Variants in RAB35 observed in about 807,000 individuals in gnomAD.
RAB35 encodes RAB35, member RAS oncogene family.
In RAB35, 4 loss-of-function variants were observed where a neutral mutation model predicts 28.9. The observed-to-expected ratio is 0.14, with a 90% CI of 0.07 to 0.32. The LOEUF (loss-of-function observed/expected upper bound fraction) is 0.32. RAB35 is among the 10% of genes least tolerant of loss of function. RAB35 has a pLI of 1.00. For synonymous variants in RAB35, 99 were observed against 105.1 expected (o/e 0.94, Z 0.35); for missense variants, 128 against 274.0 (o/e 0.47, Z 3.76).
chr12:120,098,211 G>C (rs1875512707), intron 5 of RAB35, among the ~76,000 whole-genome samples: 1 of 152,230 alleles, frequency 6.6e-6, no homozygotes, highest in African/African-American at 2.4e-5. Context: ...CATGACAGAT[G>C]AAAGTGCCCC....
rs1875450443 is a variant in RAB35 at position 120,097,162 on chromosome 12, T to G, written c.*83A>C. The G allele has an allele frequency of 1.9e-6, 3 of 1,612,588 alleles. No homozygotes were observed. The highest frequency in any genetic ancestry group is 2.5e-6 in the Non-Finnish European group (3 of 1,179,496). ...AATTCTTTAAATAACGGCACGAAACTGAGACTGTCCCCCGAGGAACCTCCG... is the reference window on the plus strand; with the variant it reads ...AATTCTTTAAATAACGGCACGAAACGGAGACTGTCCCCCGAGGAACCTCCG... On this transcript the variant is annotated 3_prime_UTR_variant, in exon 6 of 6. Coordinates refer to ENST00000229340, the MANE Select transcript of RAB35 (RefSeq NM_006861.7).
intron 5 of RAB35, among the ~76,000 whole-genome samples, chr12:120,098,106 G>T (rs1439593228): frequency 6.6e-6 from 1 of 152,066 alleles, no homozygotes; most frequent in Non-Finnish European, 1.5e-5. Flanking sequence ...GGATGGTCTC[G>T]ATCTCCTGAC....
chr12:120,115,761 A>G (rs1183399987), intron 1 of RAB35, among the ~76,000 whole-genome samples: 1 of 152,150 alleles, frequency 6.6e-6, no homozygotes, highest in African/African-American at 2.4e-5. Context: ...TGTGTGGCCA[A>G]AGCACTTTTA....
chr12:120,104,783 G>A (rs1485385507), intron 2 of RAB35, among the ~76,000 whole-genome samples: 1 of 152,064 alleles, frequency 6.6e-6, no homozygotes, highest in Non-Finnish European at 1.5e-5. Context: ...ACAGGCATGC[G>A]CCACCACGCC....
At chr12:120,106,430 G>A (rs540910206) in intron 2 of RAB35, among the ~76,000 whole-genome samples, 1 of 152,170 alleles carries the variant, frequency 6.6e-6, no homozygotes, top group South Asian at 2.1e-4. Context: ...CATGAACTGA[G>A]GCTTCTATTT....
chr12:120,098,334 G>T (rs555095402), intron 5 of RAB35, among the ~76,000 whole-genome samples: 1 of 152,378 alleles, frequency 6.6e-6, no homozygotes, highest in East Asian at 1.9e-4. Flanking sequence ...CTTGCCCACA[G>T]GCCCAGGTGG....
At chr12:120,112,192 G>C (rs1876146521) in intron 1 of RAB35, among the ~76,000 whole-genome samples, 1 of 152,116 alleles carries the variant, frequency 6.6e-6, no homozygotes, top group South Asian at 2.1e-4. Flanking sequence ...TGGCCAAGCT[G>C]GTCTCGAGCT....
rs7954624 is a variant in RAB35 at position 120,109,882 on chromosome 12, T to A, written c.53-1415A>T. ...CCATGTCCTCCTATCCTGTCCCCAA[T>A]CTCCAACACCCCTGAGGCCAGCCAA... On this transcript the variant is annotated intron_variant, in intron 1 of 5. Transcript: ENST00000229340. 4.1e-3 allele frequency among the ~76,000 whole-genome samples: 626 copies of A among 152,150 alleles called. 3 individuals carry two copies. Among genetic ancestry groups the A allele is most frequent in the African/African-American group, 0.013 (538 of 41,494 alleles).
rs1353145784 is a variant in RAB35 at position 120,096,876 on chromosome 12, G to A, written c.*369C>T. The A allele has an allele frequency of 1.5e-6, 2 of 1,308,934 alleles. No individual in the cohort carries two copies. The highest frequency in any genetic ancestry group is 4.5e-5 in the Admixed American group (2 of 44,068). The allele number at this position is 1,308,934 out of a possible 1,614,324, so 81.1% of individuals were successfully genotyped here. A position where few individuals can be genotyped will look rare whatever the true frequency, so the allele number is the denominator to read the frequency against. Reference sequence around the variant, plus strand: ...TGGGCTGGGGAGGGGCGCGGGGAGGGTCTGTTGCAGCAGGCTGGCATCAAG... The same window carrying A: ...TGGGCTGGGGAGGGGCGCGGGGAGGATCTGTTGCAGCAGGCTGGCATCAAG... On this transcript the variant is annotated 3_prime_UTR_variant, in exon 6 of 6. Coordinates refer to ENST00000229340, the MANE Select transcript of RAB35 (RefSeq NM_006861.7).
In RAB35 at chr12:120,108,407, G is replaced by C; in HGVS notation, c.103+10C>G. The stretch of plus-strand genomic sequence containing the variant: ...ACGACACCCCAGCAGCACTGCAGGG[G>C]AGGACTCACCTGAGAAAGTGTTGTC... On this transcript the variant is annotated intron_variant, in intron 2 of 5. Transcript: ENST00000229340. 6.2e-7 allele frequency: 1 copy of C among 1,611,404 alleles called. No individual in the cohort carries two copies. The highest frequency in any genetic ancestry group is 8.5e-7 in the Non-Finnish European group (1 of 1,177,532).
chr12:120,103,679 G>A lies in RAB35; in HGVS notation c.227+147C>T, dbSNP rs374510618. Reference sequence around the variant, plus strand: ...AGGACCAGGAAGGGTGCAGCCAAACGCCACCTACTACAGCCAACAACAGGC... The same window carrying A: ...AGGACCAGGAAGGGTGCAGCCAAACACCACCTACTACAGCCAACAACAGGC... On this transcript the variant is annotated intron_variant, in intron 3 of 5. Transcript: ENST00000229340. This position sits in a 1 kb window ranked among gnomAD's most constrained non-coding sequence, Gnocchi z 6.1. 333 of 1,203,606 alleles carry A rather than the reference G, an allele frequency of 2.8e-4. No homozygotes were observed. In the African/African-American group the frequency reaches 4.3e-3, roughly 15 times the overall value. The allele number at this position is 1,203,606 out of a possible 1,614,324, so 74.6% of individuals were successfully genotyped here. A position where few individuals can be genotyped will look rare whatever the true frequency, so the allele number is the denominator to read the frequency against.
chr12:120,115,180 A>T (rs1876280364), intron 1 of RAB35, among the ~76,000 whole-genome samples: 1 of 151,228 alleles, frequency 6.6e-6, no homozygotes. Context: ...CTCCTCCAGC[A>T]ACCACGGAAA....
rs543003528 is a variant in RAB35, at chr12:120,109,657, C to CTT, written c.53-1192_53-1191dup. Among the ~76,000 whole-genome samples, 356 of 119,986 alleles carry CTT rather than the reference C, an allele frequency of 3.0e-3. 1 individual carries two copies. The highest frequency in any genetic ancestry group is 9.1e-3 in the African/African-American group (291 of 31,894). 78.7% of individuals were successfully genotyped at this position (119,986 alleles called of 152,430 possible). ...ACAGAGTCTGGCTACGTTGCCCAGG[C>CTT]TTTTTTTTTTTTTTTTTTTAATCTT... On this transcript the variant is annotated intron_variant, in intron 1 of 5. Transcript: ENST00000229340.
intron 1 of RAB35, among the ~76,000 whole-genome samples, chr12:120,110,834 G>C (rs1214475902): frequency 6.6e-6 from 1 of 152,200 alleles, no homozygotes; most frequent in African/African-American, 2.4e-5. Flanking sequence ...GCTCAGCCTG[G>C]GCCTGCAGGG....
chr12:120,101,442 G>A (rs1183435682), intron 3 of RAB35, among the ~76,000 whole-genome samples: 1 of 152,200 alleles, frequency 6.6e-6, no homozygotes, highest in African/African-American at 2.4e-5. Context: ...CTCAGCTTCT[G>A]AGAGCAAGAA....
chr12:120,115,401 G>GA lies in RAB35; in HGVS notation c.52+1197dup, dbSNP rs544348668. 1.2e-4 allele frequency among the ~76,000 whole-genome samples: 19 copies of GA among 152,196 alleles called. No homozygotes were observed. The South Asian group carries it at 3.7e-3, about 30-fold the overall frequency. On this transcript the variant is annotated intron_variant, in intron 1 of 5. Coordinates refer to ENST00000229340, the MANE Select transcript of RAB35 (RefSeq NM_006861.7). ...GCCTGGCCTCTGCCTCCAATCATAA[G>GA]ACATCCCTCCCCACACTCAGCTCAG...
chr12:120,097,010 A>G lies in RAB35; in HGVS notation c.*235T>C. 1 of 1,506,240 alleles carries G rather than the reference A, an allele frequency of 6.6e-7. No individual in the cohort carries two copies. The highest frequency in any genetic ancestry group is 8.9e-7 in the Non-Finnish European group (1 of 1,128,324). 93.3% of individuals were successfully genotyped at this position (1,506,240 alleles called of 1,614,324 possible). A position where few individuals can be genotyped will look rare whatever the true frequency, so the allele number is the denominator to read the frequency against. On this transcript the variant is annotated 3_prime_UTR_variant, in exon 6 of 6. Transcript: ENST00000229340. Reference sequence around the variant, plus strand: ...GGCGGGCAGCGTCCTCGCCAGGTCCAGGCGCCTTGGCCGGGGAGGAGGGGG... The same window carrying G: ...GGCGGGCAGCGTCCTCGCCAGGTCCGGGCGCCTTGGCCGGGGAGGAGGGGG...
At chr12:120,116,503 C>T (rs1266703584) in intron 1 of RAB35, 96 bp downstream of exon 1, 8 of 818,066 alleles carry the variant, frequency 9.8e-6, no homozygotes, top group Non-Finnish European at 1.2e-5. Context: ...GCCCGCCCCG[C>T]ACGGGCCGGC....
chr12:120,101,535 G>A (rs1468124750), intron 3 of RAB35, among the ~76,000 whole-genome samples: 5 of 152,196 alleles, frequency 3.3e-5, no homozygotes, highest in Non-Finnish European at 7.4e-5. Context: ...CCCTGCATCG[G>A]AAAAAAGTCA....
Sources: gnomAD v4.1 joint callset for allele counts (sites outside exome capture counted in the v4.1 genomes callset) on GRCh38, gnomAD v4.1.1 for gene constraint, Gnocchi (gnomAD v3.1) non-coding constraint, MANE v1.5 for transcripts, NCBI Gene and HGNC (gene_info 2026-07-23, HGNC 2026-07-21) for gene names.